UHRF2: variants seen among roughly 807,000 people sequenced by gnomAD.
UHRF2 encodes ubiquitin like with PHD and ring finger domains 2.
A neutral mutation model predicts 96.8 loss-of-function variants in UHRF2; 23 were observed. The ratio of observed to expected loss-of-function variants is 0.24; its 90% CI spans 0.17 to 0.34. The LOEUF (loss-of-function observed/expected upper bound fraction) is 0.34. Ranked by LOEUF, UHRF2 falls within the 10% of genes least tolerant of loss-of-function variation. UHRF2 has a pLI of 1.00. For synonymous variants in UHRF2, 385 were observed against 332.6 expected (o/e 1.16, Z -1.72); for missense variants, 685 against 981.5 (o/e 0.70, Z 4.04).
intron 3 of UHRF2, among the ~76,000 whole-genome samples, chr9:6,459,072 TA>T (rs1822360877): frequency 6.6e-6 from 1 of 151,710 alleles, no homozygotes; most frequent in African/African-American, 2.4e-5. Flanking sequence ...TGTCGGAGGG[TA>T]GGGGGCTAGG....
intron 4 of UHRF2, among the ~76,000 whole-genome samples, chr9:6,463,093 C>A (rs146144257): frequency 1.1e-4 from 17 of 152,180 alleles, no homozygotes; most frequent in Non-Finnish European, 2.2e-4. Context: ...ACCAGTCTGA[C>A]CAACTAGTGA....
intron 3 of UHRF2, among the ~76,000 whole-genome samples, chr9:6,457,855 C>T (rs1279530114): frequency 6.6e-6 from 1 of 152,052 alleles, no homozygotes; most frequent in African/African-American, 2.4e-5. Context: ...GGGATGAAGC[C>T]GATTTTGATC....
intron 4 of UHRF2, among the ~76,000 whole-genome samples, chr9:6,470,200 A>C (rs1013130208): frequency 1.9e-4 from 29 of 152,132 alleles, no homozygotes; most frequent in African/African-American, 6.5e-4. Context: ...TGGCAAAACC[A>C]TGTCTCTACT....
chr9:6,457,944 A>C (rs924455172), intron 3 of UHRF2, among the ~76,000 whole-genome samples: 1 of 152,274 alleles, frequency 6.6e-6, no homozygotes, highest in East Asian at 1.9e-4. Flanking sequence ...ATCAATGTTC[A>C]TAGGGATATT....
intron 3 of UHRF2, chr9:6,449,449 C>G (rs1336919790): frequency 6.6e-6 from 1 of 152,248 alleles, no homozygotes; most frequent in Non-Finnish European, 1.5e-5. Context: ...CTTTTACTGC[C>G]TAGTTCTCCT....
chr9:6,450,313 C>CA (rs1821781535), intron 3 of UHRF2, among the ~76,000 whole-genome samples: 1 of 145,672 alleles, frequency 6.9e-6, no homozygotes, highest in Admixed American at 6.8e-5. Flanking sequence ...TTCCCCCCCC[C>CA]CCATTTATTT....
At chr9:6,423,582 A>T (rs1490276435) in intron 2 of UHRF2, among the ~76,000 whole-genome samples, 1 of 152,108 alleles carries the variant, frequency 6.6e-6, no homozygotes, top group Non-Finnish European at 1.5e-5. Context: ...CAAAGAAAAC[A>T]TATTAATTTA....
At chr9:6,454,970 AGAT>A (rs1407956103) in intron 3 of UHRF2, among the ~76,000 whole-genome samples, 1 of 152,204 alleles carries the variant, frequency 6.6e-6, no homozygotes, top group Non-Finnish European at 1.5e-5. Flanking sequence ...TTGGATTTCC[AGAT>A]GATGTTGATG....
chr9:6,424,088 C>A (rs1563743647), intron 2 of UHRF2, among the ~76,000 whole-genome samples: 1 of 151,624 alleles, frequency 6.6e-6, no homozygotes, highest in South Asian at 2.1e-4. Flanking sequence ...TATTTGACAT[C>A]TTTCTGGAAG....
At chr9:6,457,838 C>T (rs1334540821) in intron 3 of UHRF2, among the ~76,000 whole-genome samples, 1 of 152,224 alleles carries the variant, frequency 6.6e-6, no homozygotes, top group Non-Finnish European at 1.5e-5. Context: ...ACCAGCCTTG[C>T]ATCCCAGGGA....
chr9:6,500,078 T>G lies in UHRF2; in HGVS notation c.2005+147T>G, dbSNP rs570474699. On this transcript the variant is annotated intron_variant, in intron 13 of 15. Coordinates refer to ENST00000276893, the MANE Select transcript of UHRF2 (RefSeq NM_152896.3). ...GCCTTGACCTCCTGGGCTCAAGCGA[T>G]CCACCTACCTCAACCTCTGAAGTAG... 8 of 583,870 alleles carry G rather than the reference T, an allele frequency of 1.4e-5. No individual in the cohort carries two copies. In the Admixed American group the frequency reaches 2.2e-4, roughly 16 times the overall value. The allele number at this position is 583,870 out of a possible 1,614,324, so 36.2% of individuals were successfully genotyped here. A position where few individuals can be genotyped will look rare whatever the true frequency, so the allele number is the denominator to read the frequency against.
intron 8 of UHRF2, among the ~76,000 whole-genome samples, chr9:6,485,966 A>T (rs544968492): frequency 1.6e-4 from 24 of 152,264 alleles, no homozygotes; most frequent in African/African-American, 5.5e-4. Flanking sequence ...CATCCATTGA[A>T]GTAGAAATGG....
At chr9:6,473,287 C>G (rs913957170) in intron 4 of UHRF2, among the ~76,000 whole-genome samples, 1 of 152,078 alleles carries the variant, frequency 6.6e-6, no homozygotes, top group South Asian at 2.1e-4. Flanking sequence ...TATTTAAATC[C>G]ATGAGTCCAT....
chr9:6,467,605 T>TTG (rs1554629477), intron 4 of UHRF2, among the ~76,000 whole-genome samples: 7 of 150,774 alleles, frequency 4.6e-5, no homozygotes, highest in Non-Finnish European at 8.9e-5. Context: ...GTTTTTTTTT[T>TTG]TTTTTTTTTT....
At chr9:6,456,797 C>T (rs1312511702) in intron 3 of UHRF2, among the ~76,000 whole-genome samples, 1 of 152,164 alleles carries the variant, frequency 6.6e-6, no homozygotes, top group Non-Finnish European at 1.5e-5. Context: ...GGAATCCTTT[C>T]CCCATTTCTT....
At chr9:6,502,405 CAGAG>C (rs1326413004) in intron 14 of UHRF2, among the ~76,000 whole-genome samples, 1 of 152,168 alleles carries the variant, frequency 6.6e-6, no homozygotes, top group South Asian at 2.1e-4. Context: ...ATAGATTCCT[CAGAG>C]AGATCTTCCC....
At chr9:6,419,046 C>T (rs1174697425) in intron 1 of UHRF2, among the ~76,000 whole-genome samples, 1 of 152,162 alleles carries the variant, frequency 6.6e-6, no homozygotes, top group Admixed American at 6.6e-5. Context: ...ATTATGAGGA[C>T]ACTAGCCATA....
At chr9:6,471,436 G>T (rs1040545684) in intron 4 of UHRF2, among the ~76,000 whole-genome samples, 4 of 152,064 alleles carry the variant, frequency 2.6e-5, no homozygotes, top group African/African-American at 7.2e-5. Flanking sequence ...ACTTCACTAG[G>T]GTGGCTCTTT....
At chr9:6,499,670 G>T in intron 12 of UHRF2, 165 bp from the exon 13 acceptor site, 1 of 455,726 alleles carries the variant, frequency 2.2e-6, no homozygotes, top group Non-Finnish European at 4.0e-6. Flanking sequence ...AGTTGTCTGT[G>T]CTTTGAATTC....
Sources: allele counts gnomAD v4.1 joint callset (sites outside exome capture counted in the v4.1 genomes callset), GRCh38; gene constraint gnomAD v4.1.1; transcripts MANE v1.5; gene names NCBI Gene and HGNC (gene_info 2026-07-23, HGNC 2026-07-21).